Variants in ZNF557 observed in about 807,000 individuals in gnomAD.
The protein encoded by ZNF557 is zinc finger protein 557.
Under a neutral mutation model 21.2 loss-of-function variants are expected in ZNF557, and 19 were observed. That is an observed-to-expected ratio of 0.90 (90% confidence interval 0.63 to 1.32). The LOEUF is 1.32. Among genes scored for constraint, ZNF557 ranks in the 40% most tolerant of loss-of-function variants. The probability of loss-of-function intolerance (pLI) is 0.00; values close to 1 mark genes in which losing one functional copy is unlikely to be tolerated. For synonymous variants in ZNF557, 207 were observed against 194.8 expected (o/e 1.06, Z -0.52); for missense variants, 487 against 519.8 (o/e 0.94, Z 0.61).
At chr19:7,072,316 C>T (rs767707581) in intron 2 of ZNF557, among the ~76,000 whole-genome samples, 7 of 151,466 alleles carry the variant, frequency 4.6e-5, no homozygotes, top group African/African-American at 1.2e-4. Context: ...CCCAGCTACT[C>T]GGGAGGCTGA....
In ZNF557 at chr19:7,087,084, ACT is replaced by A. The variant is rs1002940288; in HGVS notation, c.*3343_*3344del. 1.3e-5 allele frequency: 2 copies of A among 150,870 alleles called. No individual in the cohort carries two copies. The highest frequency in any genetic ancestry group is 1.5e-5 in the Non-Finnish European group (1 of 67,846). The allele number at this position is 150,870 out of a possible 1,614,324, so 9.3% of individuals were successfully genotyped here. A position where few individuals can be genotyped will look rare whatever the true frequency, so the allele number is the denominator to read the frequency against. On this transcript the variant is annotated 3_prime_UTR_variant, in exon 8 of 8. Coordinates refer to ENST00000252840, the MANE Select transcript of ZNF557 (RefSeq NM_024341.3). ...CTGAAGCTTAGACAGGCTTTATCCCACTCTGCTGGCTAAAAGAAGTAGGAATA... is the reference window on the plus strand; with the variant it reads ...CTGAAGCTTAGACAGGCTTTATCCCACTGCTGGCTAAAAGAAGTAGGAATA...
chr19:7,080,306 G>A (rs1448188185), intron 5 of ZNF557, among the ~76,000 whole-genome samples: 1 of 151,964 alleles, frequency 6.6e-6, no homozygotes, highest in Non-Finnish European at 1.5e-5. Flanking sequence ...TCCATCTTGT[G>A]GGGGAAAAGA....
rs978991511 is a variant in ZNF557, at chr19:7,085,136, C to T, written c.*1392C>T. 1 of 152,112 alleles carries T rather than the reference C, an allele frequency of 6.6e-6. No individual in the cohort carries two copies. Among genetic ancestry groups the T allele is most frequent in the African/African-American group, 2.4e-5 (1 of 41,418 alleles). The allele number at this position is 152,112 out of a possible 1,614,324, so 9.4% of individuals were successfully genotyped here. The stretch of plus-strand genomic sequence containing the variant: ...CCATCAGTATTAGAATGTCATTTTT[C>T]CACATTTTTAGGAACCTAACTCAGT... On this transcript the variant is annotated 3_prime_UTR_variant, in exon 8 of 8. Coordinates refer to ENST00000252840, the MANE Select transcript of ZNF557 (RefSeq NM_024341.3).
intron 7 of ZNF557, 39 bp from the exon 8 acceptor site, chr19:7,082,839 T>A (rs1312373335): frequency 1.3e-6 from 2 of 1,514,506 alleles, no homozygotes; most frequent in African/African-American, 2.8e-5. Flanking sequence ...ATGTTAAAAA[T>A]ATTATAAATG....
intron 5 of ZNF557, among the ~76,000 whole-genome samples, chr19:7,078,142 A>G (rs1323448813): frequency 6.6e-6 from 1 of 152,130 alleles, no homozygotes; most frequent in Non-Finnish European, 1.5e-5. Context: ...AGGAGATAGA[A>G]TTCTTGGTTG....
chr19:7,074,940 C>T, intron 2 of ZNF557, 56 bp from the exon 3 acceptor site: 1 of 1,459,272 alleles, frequency 6.9e-7, no homozygotes, highest in South Asian at 1.2e-5. Flanking sequence ...GTGACCGACG[C>T]AGGGCACGGG....
intron 5 of ZNF557, 47 bp downstream of exon 5, chr19:7,076,554 A>G (rs1226579626): frequency 6.3e-7 from 1 of 1,582,320 alleles, no homozygotes; most frequent in African/African-American, 1.4e-5. Flanking sequence ...TCAGGAAGTC[A>G]GTCTTTTTTT....
Position 7,075,029 on chromosome 19 carries a change from G to A in ZNF557, c.-46G>A. ...CCTGAGAGCGCTGCGGGATAAAGGA[G>A]GAGCGTCCTGCTTCCCGGCTGCCCT... On this transcript the variant is annotated 5_prime_UTR_variant, in exon 3 of 8. Transcript: ENST00000252840. 1 of 1,613,928 alleles carries A rather than the reference G, an allele frequency of 6.2e-7. No homozygotes were observed. The highest frequency in any genetic ancestry group is 8.5e-7 in the Non-Finnish European group (1 of 1,179,974).
Position 7,084,762 on chromosome 19 carries a change from CT to C in ZNF557, c.*1021del, listed in dbSNP as rs1599846244. ...TGTATGGTAAAACTTTGAGCTCAAA[CT>C]TTCCCCCTACCAAAAAAAAAGTATC... On this transcript the variant is annotated 3_prime_UTR_variant, in exon 8 of 8. Transcript: ENST00000252840. 1 of 152,182 alleles carries C rather than the reference CT, an allele frequency of 6.6e-6. No individual in the cohort carries two copies. The highest frequency in any genetic ancestry group is 1.9e-4 in the East Asian group (1 of 5,174). 9.4% of individuals were successfully genotyped at this position (152,182 alleles called of 1,614,324 possible). A position where few individuals can be genotyped will look rare whatever the true frequency, so the allele number is the denominator to read the frequency against.
chr19:7,075,821 A>C (rs367830155), intron 4 of ZNF557, 78 bp downstream of exon 4: 1 of 1,563,784 alleles, frequency 6.4e-7, no homozygotes, highest in African/African-American at 1.4e-5. Flanking sequence ...AGTGGCCTGG[A>C]GCCCCACGGC....
At chr19:7,074,740 ACCGAGGCAGGGCACGGG>A (rs1977542156) in intron 2 of ZNF557, among the ~76,000 whole-genome samples, 1 of 132,260 alleles carries the variant, frequency 7.6e-6, no homozygotes, top group Admixed American at 7.8e-5. Context: ...AGAGGGGGTG[ACCGAGGCAGGGCACGGG>A]CTGGAGGGGG....
chr19:7,083,372 T>C lies in ZNF557; in HGVS notation c.921T>C (p.Leu307=), dbSNP rs1172357663. Residue 307 remains leucine (L), a synonymous_variant, in exon 8 of 8, where the codon CTT becomes CTC. Transcript: ENST00000252840. ...AGGCTTTCGGCACGAGGTCATCTCT[T>C]TCTTCGCACTATAGCATTCATACAG... ...CGKAFGTRSS[L]SSHYSIHTGE... is the part of the protein sequence containing the mutation. 5 of 1,614,194 alleles carry C rather than the reference T, an allele frequency of 3.1e-6. No homozygotes were observed. The highest frequency in any genetic ancestry group is 2.7e-5 in the African/African-American group (2 of 75,060).
At position 7,083,289 on chromosome 19, in the gene ZNF557, A is replaced by C; in HGVS notation, c.838A>C (p.Thr280Pro). ...FREFRTQSIFTRHKRVHTGEG... is the reference protein window; with the variant it reads ...FREFRTQSIFPRHKRVHTGEG... Reference sequence around the variant, plus strand: ...TGAGTTCCGCACTCAGTCAATCTTCACAAGGCACAAGAGAGTTCATACGGG... The same window carrying C: ...TGAGTTCCGCACTCAGTCAATCTTCCCAAGGCACAAGAGAGTTCATACGGG... The change falls in exon 8 of 8, where the codon ACA (threonine) becomes CCA (proline). Residue 280 changes from threonine to proline, a missense_variant. Coordinates refer to ENST00000252840, the MANE Select transcript of ZNF557 (RefSeq NM_024341.3). The C allele has an allele frequency of 6.2e-7, 1 of 1,614,238 alleles. No homozygotes were observed. Among genetic ancestry groups the C allele is most frequent in the Non-Finnish European group, 8.5e-7 (1 of 1,180,042 alleles).
chr19:7,075,783 A>C, intron 4 of ZNF557, 40 bp downstream of exon 4: 1 of 1,604,396 alleles, frequency 6.2e-7, no homozygotes, highest in Non-Finnish European at 8.5e-7. Context: ...TGATTCCTTC[A>C]GCCAGAAGGT....
chr19:7,073,157 GT>G (rs552141577), intron 2 of ZNF557, among the ~76,000 whole-genome samples: 12 of 136,054 alleles, frequency 8.8e-5, no homozygotes, highest in Middle Eastern at 3.8e-3. Flanking sequence ...GGTTTTTTTT[GT>G]TTTTTTTTTT....
chr19:7,075,590 C>T, intron 3 of ZNF557, 65 bp from the exon 4 acceptor site: 3 of 1,534,168 alleles, frequency 2.0e-6, no homozygotes, highest in Non-Finnish European at 2.7e-6. Context: ...GGTGGGGAAG[C>T]CTCCAGATGT....
rs948150182 is a variant in ZNF557 at position 7,076,594 on chromosome 19, A to G, written c.247+87A>G. ...TTTTTAAATTGAGGTAACACAGGAC[A>G]CAAAAGTCACCATTTAAACTATTTT... On this transcript the variant is annotated intron_variant, in intron 5 of 7. Coordinates refer to ENST00000252840, the MANE Select transcript of ZNF557 (RefSeq NM_024341.3). 15 of 1,533,270 alleles carry G rather than the reference A, an allele frequency of 9.8e-6. No homozygotes were observed. The African/African-American group carries it at 1.7e-4, about 17-fold the overall frequency. 95.0% of individuals were successfully genotyped at this position (1,533,270 alleles called of 1,614,324 possible).
chr19:7,082,844 T>C, intron 7 of ZNF557, 34 bp from the exon 8 acceptor site: 1 of 1,518,038 alleles, frequency 6.6e-7, no homozygotes, highest in South Asian at 1.3e-5. Context: ...AAAAATATTA[T>C]AAATGGTACT....
At chr19:7,073,263 G>A (rs1017000378) in intron 2 of ZNF557, among the ~76,000 whole-genome samples, 2 of 147,844 alleles carry the variant, frequency 1.4e-5, no homozygotes, top group Admixed American at 1.4e-4. Context: ...CGATTCTCCT[G>A]CCTCATCCTC....
Sources: gnomAD v4.1 joint callset for allele counts (sites outside exome capture counted in the v4.1 genomes callset) on GRCh38, gnomAD v4.1.1 for gene constraint, MANE v1.5 for transcripts, NCBI Gene and HGNC (gene_info 2026-07-23, HGNC 2026-07-21) for gene names.